ANKRD62: variants seen among roughly 807,000 people sequenced by gnomAD.
ANKRD62 encodes ankyrin repeat domain 62.
Under a neutral mutation model 98.8 loss-of-function variants are expected in ANKRD62, and 61 were observed. The ratio of observed to expected loss-of-function variants is 0.62; its 90% confidence interval spans 0.50 to 0.76. The LOEUF (loss-of-function observed/expected upper bound fraction) is 0.76. Among genes scored for constraint, ANKRD62 ranks in the 30% least tolerant of loss-of-function variants. The pLI is 0.00. For missense variants in ANKRD62, 933 were observed against 1,082.9 expected, an observed-to-expected ratio of 0.86 and a Z score of 1.94; for synonymous variants, 341 against 367.9, an observed-to-expected ratio of 0.93 and a Z score of 0.84.
intron 5 of ANKRD62, among the ~76,000 whole-genome samples, chr18:12,098,195 T>C (rs1312675798): frequency 1.3e-5 from 2 of 152,236 alleles, no homozygotes; most frequent in Admixed American, 1.3e-4. Flanking sequence ...GGTCCCATGT[T>C]GTCCGCAGTG....
rs199658167 is a variant in ANKRD62, at chr18:12,105,417, G to A, written c.892-1878G>A. ...ATGAGGCACGCATATTACAACTAGAGTTCCAGCCCTTGTGGCTGCTTTCAT... is the reference window on the plus strand; with the variant it reads ...ATGAGGCACGCATATTACAACTAGAATTCCAGCCCTTGTGGCTGCTTTCAT... On this transcript the variant is annotated intron_variant, in intron 7 of 13. Transcript: ENST00000587848. 8.5e-5 allele frequency among the ~76,000 whole-genome samples: 13 copies of A among 152,324 alleles called. No individual in the cohort carries two copies. The East Asian group carries it at 2.5e-3, about 29-fold the overall frequency.
downstream of ANKRD62, among the ~76,000 whole-genome samples, chr18:12,132,880 C>G (rs1664543589): frequency 6.6e-6 from 1 of 152,022 alleles, no homozygotes; most frequent in African/African-American, 2.4e-5. Flanking sequence ...TTAAAATGCT[C>G]TAAACTTTGT....
the ANKRD62 span, among the ~76,000 whole-genome samples, chr18:12,181,359 C>T: frequency 1.3e-5 from 2 of 152,160 alleles, no homozygotes; most frequent in African/African-American, 2.4e-5. Flanking sequence ...TACGGAAATT[C>T]ATGGAATAAC....
the ANKRD62 span, among the ~76,000 whole-genome samples, chr18:12,157,667 T>C: frequency 0.019 from 2,892 of 152,322 alleles, 86 homozygotes; most frequent in African/African-American, 0.065. Context: ...TACATCTTTG[T>C]CCTTTCCTTT....
the ANKRD62 span, among the ~76,000 whole-genome samples, chr18:12,172,478 C>A: frequency 6.2e-4 from 94 of 152,086 alleles, no homozygotes; most frequent in African/African-American, 2.2e-3. Flanking sequence ...CCTGATCCTT[C>A]CTCTGGAAGC....
the ANKRD62 span, among the ~76,000 whole-genome samples, chr18:12,139,836 C>A: frequency 1.3e-5 from 2 of 152,064 alleles, no homozygotes; most frequent in Non-Finnish European, 2.9e-5. Flanking sequence ...TGGAGTTGCT[C>A]TTCTCGAGGA....
the ANKRD62 span, among the ~76,000 whole-genome samples, chr18:12,156,949 T>C: frequency 6.6e-6 from 1 of 152,194 alleles, no homozygotes; most frequent in Admixed American, 6.5e-5. Context: ...TCTCTCGCTC[T>C]CTCTCGCTCG....
In ANKRD62 at chr18:12,103,239, A is replaced by C. The variant is rs781651123; in HGVS notation, c.891+11A>C. ...AGTAGCCAGCCACAGGTATGTAAAA[A>C]TTTAATTTCAAATTTCTGGTTTTCT... On this transcript the variant is annotated intron_variant, in intron 7 of 13. Transcript: ENST00000587848. 6 of 1,328,044 alleles carry C rather than the reference A, an allele frequency of 4.5e-6. No homozygotes were observed. In the African/African-American group the frequency reaches 9.0e-5, roughly 20 times the overall value. The allele number at this position is 1,328,044 out of a possible 1,614,324, so 82.3% of individuals were successfully genotyped here.
the ANKRD62 span, among the ~76,000 whole-genome samples, chr18:12,136,634 C>A: frequency 2.0e-5 from 3 of 152,270 alleles, no homozygotes; most frequent in African/African-American, 7.2e-5. Flanking sequence ...TTACCTTGGG[C>A]AGTATGGCCA....
chr18:12,157,222 A>C, the ANKRD62 span, among the ~76,000 whole-genome samples: 1 of 152,194 alleles, frequency 6.6e-6, no homozygotes, highest in Admixed American at 6.5e-5. Flanking sequence ...ATTTTTAAAA[A>C]TCACTTTTCA....
chr18:12,096,170 T>C (rs1264756626), intron 3 of ANKRD62, 26 bp from the exon 4 acceptor site: 5 of 1,424,326 alleles, frequency 3.5e-6, no homozygotes, highest in Non-Finnish European at 4.8e-6. Context: ...TTTTGTGAAT[T>C]ATAAATTGTT....
the ANKRD62 span, among the ~76,000 whole-genome samples, chr18:12,169,423 A>C: frequency 1.3e-5 from 2 of 151,722 alleles, no homozygotes; most frequent in South Asian, 2.1e-4. Context: ...TGTTTATGTG[A>C]TGGATTACAT....
chr18:12,105,190 C>G (rs2143904400), intron 7 of ANKRD62, among the ~76,000 whole-genome samples: 1 of 152,300 alleles, frequency 6.6e-6, no homozygotes, highest in African/African-American at 2.4e-5. Context: ...CGTAGTGTTT[C>G]TGTTGTTACA....
the ANKRD62 span, among the ~76,000 whole-genome samples, chr18:12,141,187 G>T: frequency 9.2e-5 from 14 of 152,372 alleles, no homozygotes; most frequent in Admixed American, 3.9e-4. Flanking sequence ...TGTGCCGTTT[G>T]TTAAGCCCGT....
At chr18:12,134,595 G>A (rs920560290), downstream of ANKRD62, among the ~76,000 whole-genome samples, 1 of 151,684 alleles carries the variant, frequency 6.6e-6, no homozygotes. Flanking sequence ...TCATTGTTCA[G>A]TTCCCACCTA....
chr18:12,151,344 C>T, the ANKRD62 span, among the ~76,000 whole-genome samples: 642 of 152,278 alleles, frequency 4.2e-3, 9 homozygotes, highest in African/African-American at 0.015. Flanking sequence ...TAGTGGGAGA[C>T]TTTAACGCTC....
chr18:12,115,686 A>G (rs1175910112), intron 10 of ANKRD62, among the ~76,000 whole-genome samples, 152 bp downstream of exon 10: 1 of 152,146 alleles, frequency 6.6e-6, no homozygotes, highest in Non-Finnish European at 1.5e-5. Context: ...GAACTACTCT[A>G]TCTTGTATAC....
At chr18:12,130,959 G>A (rs762001479), downstream of ANKRD62, among the ~76,000 whole-genome samples, 1 of 152,146 alleles carries the variant, frequency 6.6e-6, no homozygotes, top group African/African-American at 2.4e-5. Context: ...CAAAGTGCTG[G>A]GGTTACAGGC....
At chr18:12,180,918 A>G in the ANKRD62 span, among the ~76,000 whole-genome samples, 4 of 139,316 alleles carry the variant, frequency 2.9e-5, no homozygotes, top group African/African-American at 1.1e-4. Context: ...AACATTAGGT[A>G]TATCTCCTAA....
Sources: gnomAD v4.1 joint callset for allele counts (sites outside exome capture counted in the v4.1 genomes callset) on GRCh38, gnomAD v4.1.1 for gene constraint, MANE v1.5 for transcripts, NCBI Gene and HGNC (gene_info 2026-07-23, HGNC 2026-07-21) for gene names.